The following CNTN1 variants were observed in gnomAD, a reference collection of about 807,000 sequenced individuals.
CNTN1 encodes contactin 1.
Under a neutral mutation model 126.4 loss-of-function variants are expected in CNTN1, and 38 were observed. The ratio of observed to expected loss-of-function variants is 0.30; its 90% CI spans 0.23 to 0.39. The LOEUF (loss-of-function observed/expected upper bound fraction) is 0.39, where lower values mean the gene tolerates loss of function less well. Among genes scored for constraint, CNTN1 ranks in the 10% least tolerant of loss-of-function variants. The pLI is 1.00. For missense variants in CNTN1, 1,009 were observed against 1,248.4 expected, an observed-to-expected ratio of 0.81 and a Z score of 2.89; for synonymous variants, 413 against 422.6, an observed-to-expected ratio of 0.98 and a Z score of 0.28.
chr12:40,771,794 T>C (rs577729438), intron 1 of CNTN1, among the ~76,000 whole-genome samples: 26 of 152,192 alleles, frequency 1.7e-4, no homozygotes, highest in South Asian at 4.1e-4. Context: ...TATAATTATT[T>C]GGTAATACTA....
intron 1 of CNTN1, among the ~76,000 whole-genome samples, chr12:40,862,879 C>T (rs1270208634): frequency 1.3e-5 from 2 of 152,184 alleles, no homozygotes; most frequent in Non-Finnish European, 2.9e-5. Context: ...CTCCCCATTT[C>T]ATCCTAACTG....
At chr12:40,846,283 ACG>A (rs1200637898) in intron 1 of CNTN1, among the ~76,000 whole-genome samples, 7 of 123,750 alleles carry the variant, frequency 5.7e-5, no homozygotes, top group Non-Finnish European at 7.8e-5. Context: ...CCTGCCTAAC[ACG>A]GTGAAACCCC....
At chr12:40,693,364 A>G (rs908070854) in intron 1 of CNTN1, among the ~76,000 whole-genome samples, 1 of 152,088 alleles carries the variant, frequency 6.6e-6, no homozygotes, top group African/African-American at 2.4e-5. Flanking sequence ...CAGGGAGTCA[A>G]GTGATTGTGC....
At chr12:40,907,707 C>G (rs1053975677) in intron 1 of CNTN1, among the ~76,000 whole-genome samples, 7 of 152,076 alleles carry the variant, frequency 4.6e-5, no homozygotes, top group Non-Finnish European at 1.0e-4. Context: ...TTGATTGTCC[C>G]CTGTTGACAT....
chr12:40,974,821 T>C lies in CNTN1; in HGVS notation c.1805-6088T>C, dbSNP rs373724308. ...GTAAGAATTATAAAAGATTTGGCAG[T>C]GACTTCAATATAAGTACTCAGAAAA... On this transcript the variant is annotated intron_variant, in intron 15 of 23. Coordinates refer to ENST00000551295, the MANE Select transcript of CNTN1 (RefSeq NM_001843.4). 1.6e-4 allele frequency among the ~76,000 whole-genome samples: 24 copies of C among 152,244 alleles called. No individual in the cohort carries two copies. The East Asian group carries it at 4.3e-3, about 27-fold the overall frequency.
chr12:40,709,832 T>C (rs1020289591), intron 1 of CNTN1, among the ~76,000 whole-genome samples: 4 of 152,210 alleles, frequency 2.6e-5, no homozygotes, highest in Middle Eastern at 3.2e-3. Context: ...AGGCTTTGGC[T>C]TAAGGGAATG....
intron 4 of CNTN1, 81 bp downstream of exon 4, chr12:40,918,852 T>G: frequency 6.6e-7 from 1 of 1,524,466 alleles, no homozygotes; most frequent in Non-Finnish European, 9.1e-7. Context: ...TGTACAGATG[T>G]AATATAGTGC....
intron 1 of CNTN1, among the ~76,000 whole-genome samples, chr12:40,823,475 T>C (rs762587936): frequency 1.3e-5 from 2 of 152,214 alleles, no homozygotes; most frequent in Non-Finnish European, 2.9e-5. Context: ...AAGGGCTTTG[T>C]GATGATCAAA....
intron 6 of CNTN1, among the ~76,000 whole-genome samples, chr12:40,926,123 A>G (rs554791558): frequency 1.3e-4 from 20 of 151,748 alleles, no homozygotes; most frequent in Non-Finnish European, 1.9e-4. Flanking sequence ...TCAGACATTA[A>G]TAAGATAAAT....
chr12:41,010,926 T>G (rs144990715), intron 17 of CNTN1, among the ~76,000 whole-genome samples: 3 of 152,288 alleles, frequency 2.0e-5, no homozygotes, highest in Non-Finnish European at 4.4e-5. Flanking sequence ...ATTATTTCTT[T>G]GCCTTCCTTA....
At chr12:40,772,438 A>C (rs1284552900) in intron 1 of CNTN1, among the ~76,000 whole-genome samples, 1 of 151,902 alleles carries the variant, frequency 6.6e-6, no homozygotes, top group Non-Finnish European at 1.5e-5. Flanking sequence ...TAAAGAATTA[A>C]AATCTAATCT....
At chr12:40,900,807 G>A (rs1944575213) in intron 1 of CNTN1, among the ~76,000 whole-genome samples, 1 of 152,118 alleles carries the variant, frequency 6.6e-6, no homozygotes, top group Admixed American at 6.5e-5. Context: ...TATATTTTAG[G>A]TTTGGCAAAT....
chr12:40,803,881 A>G (rs760496277), intron 1 of CNTN1, among the ~76,000 whole-genome samples: 9 of 151,840 alleles, frequency 5.9e-5, no homozygotes, highest in Non-Finnish European at 4.4e-5. Flanking sequence ...TTGAGGGAAT[A>G]TAAAGTGCAT....
intron 1 of CNTN1, among the ~76,000 whole-genome samples, chr12:40,803,280 T>C (rs984059052): frequency 3.9e-5 from 6 of 152,088 alleles, no homozygotes; most frequent in African/African-American, 1.4e-4. Context: ...AGGCTTTATC[T>C]TCAACATTGT....
intron 1 of CNTN1, among the ~76,000 whole-genome samples, chr12:40,843,814 A>G (rs1942382121): frequency 6.6e-6 from 1 of 152,152 alleles, no homozygotes; most frequent in Non-Finnish European, 1.5e-5. Context: ...GAAATAGTAC[A>G]TCGTTTCTTT....
chr12:40,995,023 T>C (rs1948178983), intron 17 of CNTN1, among the ~76,000 whole-genome samples: 1 of 152,082 alleles, frequency 6.6e-6, no homozygotes, highest in African/African-American at 2.4e-5. Flanking sequence ...AACATGAGCA[T>C]AGGACTACCT....
At chr12:40,709,296 T>A (rs1292236774) in intron 1 of CNTN1, among the ~76,000 whole-genome samples, 1 of 152,146 alleles carries the variant, frequency 6.6e-6, no homozygotes, top group Non-Finnish European at 1.5e-5. Context: ...TTCTGAGCAG[T>A]CGGTCTCAAC....
Position 40,980,250 on chromosome 12 carries a change from C to T in CNTN1, c.1805-659C>T, listed in dbSNP as rs902616192. The stretch of plus-strand genomic sequence containing the variant: ...AACTTGGAGACCAGCCTGGACAACA[C>T]GGTGAAACCCAGTCTCTGCAAAAGA... On this transcript the variant is annotated intron_variant, in intron 15 of 23. Coordinates refer to ENST00000551295, the MANE Select transcript of CNTN1 (RefSeq NM_001843.4). Among the ~76,000 whole-genome samples, 11 of 152,102 alleles carry T rather than the reference C, an allele frequency of 7.2e-5. No homozygotes were observed. The East Asian group carries it at 7.7e-4, about 11-fold the overall frequency.
chr12:40,906,327 CTCTGCCCAAT>C (rs1246836034), intron 1 of CNTN1, among the ~76,000 whole-genome samples: 1 of 152,074 alleles, frequency 6.6e-6, no homozygotes, highest in Non-Finnish European at 1.5e-5. Flanking sequence ...TTATTTTCCT[CTCTGCCCAAT>C]TCTGCCTAGG....
Sources: gnomAD v4.1 joint callset for allele counts (sites outside exome capture counted in the v4.1 genomes callset) on GRCh38, gnomAD v4.1.1 for gene constraint, MANE v1.5 for transcripts, NCBI Gene and HGNC (gene_info 2026-07-23, HGNC 2026-07-21) for gene names.